The following CSMD1 variants were observed in gnomAD, a reference collection of about 807,000 sequenced individuals.
CSMD1 encodes CUB and Sushi multiple domains 1, also known as CUB and sushi domain-containing protein 1.
In CSMD1, 213 loss-of-function variants were observed where a neutral mutation model predicts 417.5. That is an observed-to-expected ratio of 0.51 (90% confidence interval 0.46 to 0.57). CSMD1 has a LOEUF of 0.57. Among genes scored for constraint, CSMD1 ranks in the 20% least tolerant of loss-of-function variants. The pLI, the probability that CSMD1 is intolerant of heterozygous loss-of-function variation, is 0.00. For synonymous variants in CSMD1, 2,862 were observed against 1,736.8 expected (o/e 1.65, Z -16.11); for missense variants, 6,923 against 4,529.7 (o/e 1.53, Z -15.17).
At chr8:3,390,797 G>T (rs770887699) in intron 17 of CSMD1, among the ~76,000 whole-genome samples, 29 of 152,072 alleles carry the variant, frequency 1.9e-4, no homozygotes, top group Non-Finnish European at 2.9e-4. Flanking sequence ...GGTTCTGTAT[G>T]AATCAACAGT....
intron 3 of CSMD1, among the ~76,000 whole-genome samples, chr8:4,306,527 C>A (rs1025478636): frequency 1.6e-4 from 24 of 152,312 alleles, no homozygotes; most frequent in African/African-American, 5.8e-4. Context: ...CACTGCTCAT[C>A]TTGAAGACAA....
intron 5 of CSMD1, among the ~76,000 whole-genome samples, chr8:3,836,232 T>G (rs1479379608): frequency 6.6e-6 from 1 of 152,194 alleles, no homozygotes; most frequent in African/African-American, 2.4e-5. Flanking sequence ...TTAAATATCT[T>G]TAATATTTGG....
intron 1 of CSMD1, among the ~76,000 whole-genome samples, chr8:4,949,842 A>T (rs946713060): frequency 5.9e-5 from 9 of 152,188 alleles, no homozygotes; most frequent in Admixed American, 2.0e-4. Flanking sequence ...ATATATATAT[A>T]GAGAGAATAT....
chr8:4,260,222 C>T (rs575630894), intron 3 of CSMD1, among the ~76,000 whole-genome samples: 1 of 152,166 alleles, frequency 6.6e-6, no homozygotes, highest in Non-Finnish European at 1.5e-5. Context: ...GGGGTGAACA[C>T]TACCTCTTTG....
intron 1 of CSMD1, among the ~76,000 whole-genome samples, chr8:4,696,513 C>A (rs905379323): frequency 2.0e-5 from 3 of 152,170 alleles, no homozygotes; most frequent in African/African-American, 7.2e-5. Context: ...GAAAACAGGT[C>A]TTAAACATTA....
intron 1 of CSMD1, among the ~76,000 whole-genome samples, chr8:4,938,696 A>G (rs957927657): frequency 2.0e-5 from 3 of 152,202 alleles, no homozygotes; most frequent in Admixed American, 1.3e-4. Context: ...GTGGAAAGAA[A>G]CAGATAATCT....
At chr8:3,939,926 T>C (rs1810761636) in intron 5 of CSMD1, among the ~76,000 whole-genome samples, 2 of 152,110 alleles carry the variant, frequency 1.3e-5, no homozygotes, top group Admixed American at 6.6e-5. Flanking sequence ...ACTTCTCGGA[T>C]GACAGGTGCA....
chr8:4,797,708 G>A (rs116207675), intron 1 of CSMD1, among the ~76,000 whole-genome samples: 1 of 152,152 alleles, frequency 6.6e-6, no homozygotes, highest in African/African-American at 2.4e-5. Flanking sequence ...AAGCAACAAA[G>A]ATACCTCCTT....
At position 4,336,926 on chromosome 8, in the gene CSMD1, A is replaced by G. The variant is rs538639672; in HGVS notation, c.415+83027T>C. On this transcript the variant is annotated intron_variant, in intron 3 of 69. Transcript: ENST00000635120. Reference sequence around the variant, plus strand: ...TTTCCATAATAAATAATAACAATACAGAAATTCTGTAGGCTACAATGTTGA... The same window carrying G: ...TTTCCATAATAAATAATAACAATACGGAAATTCTGTAGGCTACAATGTTGA... 5.9e-5 allele frequency among the ~76,000 whole-genome samples: 9 copies of G among 152,290 alleles called. No homozygotes were observed. In the East Asian group the frequency reaches 1.2e-3, roughly 20 times the overall value.
In CSMD1 at chr8:3,944,471, A is replaced by T. The variant is rs140696622; in HGVS notation, c.818+53432T>A. Among the ~76,000 whole-genome samples, 1,374 of 152,118 alleles carry T rather than the reference A, an allele frequency of 9.0e-3. 17 individuals are homozygous for T. The highest frequency in any genetic ancestry group is 0.031 in the African/African-American group (1,280 of 41,504). On this transcript the variant is annotated intron_variant, in intron 5 of 69. Coordinates refer to ENST00000635120, the MANE Select transcript of CSMD1 (RefSeq NM_033225.6). ...TTCTAGTTTTGGTTTTTTTTCCCTG[A>T]AAGTTTTGATGTTGTCAGATCACTT...
chr8:4,759,209 G>A (rs1216783037), intron 1 of CSMD1, among the ~76,000 whole-genome samples: 1 of 152,118 alleles, frequency 6.6e-6, no homozygotes, highest in South Asian at 2.1e-4. Flanking sequence ...TGAGGCCAGA[G>A]GCTCTGGTCT....
At chr8:3,168,240 A>G (rs1489230296) in intron 37 of CSMD1, among the ~76,000 whole-genome samples, 2 of 152,140 alleles carry the variant, frequency 1.3e-5, no homozygotes, top group East Asian at 1.9e-4. Flanking sequence ...CATGAACACT[A>G]TGTGGAACGT....
intron 1 of CSMD1, among the ~76,000 whole-genome samples, chr8:4,766,626 A>G (rs557102583): frequency 1.3e-5 from 2 of 152,222 alleles, no homozygotes; most frequent in Non-Finnish European, 2.9e-5. Context: ...AAAAGCAACA[A>G]AATCAATTAA....
intron 1 of CSMD1, among the ~76,000 whole-genome samples, chr8:4,940,814 G>C (rs141143379): frequency 1.3e-5 from 2 of 152,176 alleles, no homozygotes; most frequent in African/African-American, 4.8e-5. Flanking sequence ...TCTGTACCAT[G>C]TGTCAGCTTG....
chr8:3,599,588 A>C (rs1218878030), intron 8 of CSMD1, among the ~76,000 whole-genome samples: 1 of 152,178 alleles, frequency 6.6e-6, no homozygotes, highest in African/African-American at 2.4e-5. Flanking sequence ...ATTAATCACA[A>C]TACAGCATTG....
chr8:3,723,559 C>G (rs1272324044), intron 6 of CSMD1, among the ~76,000 whole-genome samples: 1 of 152,084 alleles, frequency 6.6e-6, no homozygotes, highest in Non-Finnish European at 1.5e-5. Context: ...CTATTGTTAC[C>G]TAAACAATTA....
intron 3 of CSMD1, among the ~76,000 whole-genome samples, chr8:4,107,528 T>G (rs764374190): frequency 2.0e-5 from 3 of 152,184 alleles, no homozygotes; most frequent in Non-Finnish European, 4.4e-5. Context: ...CTAATTGATA[T>G]CTGGGCTAAT....
intron 3 of CSMD1, among the ~76,000 whole-genome samples, chr8:4,154,537 G>C (rs1286074732): frequency 6.6e-6 from 1 of 152,150 alleles, no homozygotes; most frequent in Non-Finnish European, 1.5e-5. Context: ...AAGAGCAGAA[G>C]CCAGGACACT....
At chr8:3,891,506 C>A (rs1234148607) in intron 5 of CSMD1, among the ~76,000 whole-genome samples, 1 of 151,868 alleles carries the variant, frequency 6.6e-6, no homozygotes, top group African/African-American at 2.4e-5. Flanking sequence ...ATAACAAGAC[C>A]CCATGCCTAA....
Sources: allele counts gnomAD v4.1 joint callset (sites outside exome capture counted in the v4.1 genomes callset), GRCh38; gene constraint gnomAD v4.1.1; transcripts MANE v1.5; gene names NCBI Gene and HGNC (gene_info 2026-07-23, HGNC 2026-07-21).